SLC8A1: variants seen among roughly 807,000 people sequenced by gnomAD.
SLC8A1 encodes solute carrier family 8 member A1.
A neutral mutation model predicts 68.3 loss-of-function variants in SLC8A1; 18 were observed. The ratio of observed to expected loss-of-function variants is 0.26; its 90% CI spans 0.18 to 0.39. The LOEUF (loss-of-function observed/expected upper bound fraction) is 0.39. Ranked by LOEUF, SLC8A1 falls within the 10% of genes least tolerant of loss-of-function variation. The pLI, the probability that SLC8A1 is intolerant of heterozygous loss-of-function variation, is 1.00. For missense variants in SLC8A1, 985 were observed against 1,156.7 expected (o/e 0.85, Z 2.15); for synonymous variants, 475 against 415.5 (o/e 1.14, Z -1.74).
chr2:40,316,083 T>C (rs2074408408), intron 2 of SLC8A1, among the ~76,000 whole-genome samples: 1 of 152,078 alleles, frequency 6.6e-6, no homozygotes, highest in Non-Finnish European at 1.5e-5. Context: ...TGAATGTCTG[T>C]CTGTCGACAA....
chr2:40,145,474 T>G (rs2042285707), intron 6 of SLC8A1, among the ~76,000 whole-genome samples: 1 of 152,208 alleles, frequency 6.6e-6, no homozygotes, highest in African/African-American at 2.4e-5. Flanking sequence ...GCTGTTCATC[T>G]GCGGATGTGT....
Position 40,415,540 on chromosome 2 carries a change from A to G in SLC8A1, c.1808+12933T>C, listed in dbSNP as rs1693545912. Among the ~76,000 whole-genome samples, 7 of 152,154 alleles carry G rather than the reference A, an allele frequency of 4.6e-5. No individual in the cohort carries two copies. The South Asian group carries it at 1.5e-3, about 32-fold the overall frequency. Reference sequence around the variant, plus strand: ...GCCACTAATCTAATTACTTTCCCCTATCTGTCTCCATTCCAGCAGGCATGT... The same window carrying G: ...GCCACTAATCTAATTACTTTCCCCTGTCTGTCTCCATTCCAGCAGGCATGT... On this transcript the variant is annotated intron_variant, in intron 2 of 7. Coordinates refer to ENST00000406785, the Ensembl canonical transcript of SLC8A1.
chr2:40,396,762 A>C (rs1407103858), intron 2 of SLC8A1, among the ~76,000 whole-genome samples: 1 of 61,510 alleles, frequency 1.6e-5, no homozygotes, highest in African/African-American at 3.9e-5. Flanking sequence ...AAAAAAAAAA[A>C]AAAAAAAAAA....
At chr2:40,161,721 G>A (rs891762253) in intron 5 of SLC8A1, among the ~76,000 whole-genome samples, 3 of 152,172 alleles carry the variant, frequency 2.0e-5, no homozygotes, top group African/African-American at 7.2e-5. Context: ...GGCAACTACA[G>A]GGAGAAAAGT....
intron 2 of SLC8A1, among the ~76,000 whole-genome samples, chr2:40,358,276 C>CA (rs375073331): frequency 0.015 from 2,002 of 135,326 alleles, 25 homozygotes; most frequent in Admixed American, 0.018. Context: ...CAGATTAAGA[C>CA]AAAAAAAAAA....
intron 2 of SLC8A1, among the ~76,000 whole-genome samples, chr2:40,341,908 T>A (rs777140007): frequency 8.5e-5 from 13 of 152,186 alleles, no homozygotes; most frequent in Non-Finnish European, 1.8e-4. Flanking sequence ...CAAAATTATG[T>A]ATTCTATCTG....
intron 2 of SLC8A1, among the ~76,000 whole-genome samples, chr2:40,235,184 C>T (rs1051290104): frequency 3.9e-5 from 6 of 151,920 alleles, no homozygotes; most frequent in African/African-American, 9.7e-5. Context: ...GTACCAGTTC[C>T]TCCTTGTACC....
chr2:40,317,630 T>C (rs927276712), intron 2 of SLC8A1, among the ~76,000 whole-genome samples: 1 of 152,112 alleles, frequency 6.6e-6, no homozygotes, highest in Non-Finnish European at 1.5e-5. Flanking sequence ...AATGTTATAC[T>C]GCATTGTGCT....
At chr2:40,431,674 G>A (rs1206103472) in intron 1 of SLC8A1, among the ~76,000 whole-genome samples, 1 of 152,142 alleles carries the variant, frequency 6.6e-6, no homozygotes, top group Non-Finnish European at 1.5e-5. Context: ...GCAATAGGAA[G>A]AAGCCCTGAG....
At chr2:40,449,053 T>A (rs771042428) in intron 1 of SLC8A1, among the ~76,000 whole-genome samples, 16 of 151,964 alleles carry the variant, frequency 1.1e-4, no homozygotes, top group Non-Finnish European at 2.4e-4. Flanking sequence ...TTTATTGCCA[T>A]ATTTTTAGGG....
At chr2:40,450,970 G>T (rs564786720) in intron 1 of SLC8A1, among the ~76,000 whole-genome samples, 7 of 152,232 alleles carry the variant, frequency 4.6e-5, no homozygotes, top group East Asian at 3.9e-4. Context: ...ACGGGGTGGT[G>T]GGGGGGATAG....
At chr2:40,369,679 C>T (rs1426847759) in intron 2 of SLC8A1, among the ~76,000 whole-genome samples, 1 of 152,008 alleles carries the variant, frequency 6.6e-6, no homozygotes, top group African/African-American at 2.4e-5. Context: ...ATGGAGTACG[C>T]AGGGAGCAAC....
At chr2:40,404,932 T>A (rs538732119) in intron 2 of SLC8A1, among the ~76,000 whole-genome samples, 1 of 152,328 alleles carries the variant, frequency 6.6e-6, no homozygotes, top group African/African-American at 2.4e-5. Flanking sequence ...CATGAAAGCT[T>A]GTGGGTAATA....
At chr2:40,391,190 T>TTACACACACGTATATATA (rs1553562222) in intron 2 of SLC8A1, among the ~76,000 whole-genome samples, 1 of 149,114 alleles carries the variant, frequency 6.7e-6, no homozygotes, top group East Asian at 2.0e-4. Context: ...TGTATATATA[T>TTACACACACGTATATATA]TACACACACA....
rs116105827 is a variant in SLC8A1 at position 40,490,779 on chromosome 2, C to A, written c.-25+21570G>T. Among the ~76,000 whole-genome samples the A allele has an allele frequency of 1.0e-2, 1,517 of 151,996 alleles. 30 individuals carry two copies. The highest frequency in any genetic ancestry group is 0.035 in the African/African-American group (1,461 of 41,454). ...TATTAATAACACTAGTGAAAAGAAT[C>A]AAAAATTATAAAGTGCAGTGAAGTT... On this transcript the variant is annotated intron_variant, in intron 1 of 7. Coordinates refer to the SLC8A1 transcript ENST00000402441.
intron 2 of SLC8A1, among the ~76,000 whole-genome samples, chr2:40,241,408 C>A (rs1001953880): frequency 1.3e-5 from 2 of 148,628 alleles, no homozygotes; most frequent in Non-Finnish European, 3.0e-5. Flanking sequence ...ACCTGAATGA[C>A]GAGATCCACA....
intron 4 of SLC8A1, 89 bp downstream of exon 6, chr2:40,174,617 A>G: frequency 8.2e-7 from 1 of 1,212,670 alleles, no homozygotes; most frequent in East Asian, 2.3e-5. Context: ...ACAGTTAAAT[A>G]TTAATGCAAG....
At chr2:40,492,457 C>T (rs1318170717) in intron 1 of SLC8A1, among the ~76,000 whole-genome samples, 1 of 152,050 alleles carries the variant, frequency 6.6e-6, no homozygotes, top group Non-Finnish European at 1.5e-5. Context: ...GTCAAAAACA[C>T]CAAAAGCAAT....
At chr2:40,457,687 C>T (rs1269486899) in intron 1 of SLC8A1, among the ~76,000 whole-genome samples, 2 of 152,224 alleles carry the variant, frequency 1.3e-5, no homozygotes, top group East Asian at 3.8e-4. Context: ...TTAGAAACTG[C>T]ATTCTATTTT....
Sources: gnomAD v4.1 joint callset for allele counts (sites outside exome capture counted in the v4.1 genomes callset) on GRCh38, gnomAD v4.1.1 for gene constraint, MANE v1.5 for transcripts, NCBI Gene and HGNC (gene_info 2026-07-23, HGNC 2026-07-21) for gene names.